UHRF2: variants seen among roughly 807,000 people sequenced by gnomAD.
The protein encoded by UHRF2 is ubiquitin like with PHD and ring finger domains 2.
A neutral mutation model predicts 96.8 loss-of-function variants in UHRF2; 23 were observed. The ratio of observed to expected loss-of-function variants is 0.24; its 90% confidence interval spans 0.17 to 0.34. The LOEUF is 0.34. Among genes scored for constraint, UHRF2 ranks in the 10% least tolerant of loss-of-function variants. UHRF2 has a pLI of 1.00. For missense variants in UHRF2, 685 were observed against 981.5 expected, an observed-to-expected ratio of 0.70 and a Z score of 4.04; for synonymous variants, 385 against 332.6, an observed-to-expected ratio of 1.16 and a Z score of -1.72.
rs775467244 is a variant in UHRF2, at chr9:6,434,141, T to C, written c.612T>C (p.Asp204=). ...CTAATTCAGACTGTGTTGCTGCTGA[T>C]GAAGACGTTATTTACCATATCCAGT... ...STSNSDCVAA[D]EDVIYHIQYD... Residue 204 remains aspartate (D), a synonymous_variant, in exon 3 of 16, where the codon GAT becomes GAC. Coordinates refer to ENST00000276893, the MANE Select transcript of UHRF2 (RefSeq NM_152896.3). The C allele has an allele frequency of 1.9e-6, 3 of 1,614,074 alleles. No homozygotes were observed. Among genetic ancestry groups the C allele is most frequent in the Non-Finnish European group, 2.5e-6 (3 of 1,180,000 alleles).
At chr9:6,449,523 G>A (rs1359431867) in intron 3 of UHRF2, 1 of 152,114 alleles carries the variant, frequency 6.6e-6, no homozygotes, top group Non-Finnish European at 1.5e-5. Context: ...AGTATCCAAC[G>A]GACAAAATGG....
intron 3 of UHRF2, among the ~76,000 whole-genome samples, chr9:6,459,834 G>A (rs1401112850): frequency 1.3e-5 from 2 of 152,232 alleles, no homozygotes; most frequent in Admixed American, 6.5e-5. Flanking sequence ...TTAGCTGGGT[G>A]TGGTGGCACG....
rs1587778828 is a variant in UHRF2 at position 6,430,941 on chromosome 9, A to G, written c.385-2973A>G. On this transcript the variant is annotated intron_variant, in intron 2 of 15. Transcript: ENST00000276893. Reference sequence around the variant, plus strand: ...TTAAAATCTCATGAGTATAATTCAGATGCTCCCACATAGGCAAATTCTGTT... The same window carrying G: ...TTAAAATCTCATGAGTATAATTCAGGTGCTCCCACATAGGCAAATTCTGTT... 3.3e-5 allele frequency among the ~76,000 whole-genome samples: 5 copies of G among 152,188 alleles called. No homozygotes were observed. The South Asian group carries it at 1.0e-3, about 31-fold the overall frequency.
chr9:6,459,045 C>G (rs1416177534), intron 3 of UHRF2, among the ~76,000 whole-genome samples: 1 of 151,888 alleles, frequency 6.6e-6, no homozygotes, highest in Non-Finnish European at 1.5e-5. Context: ...GGGAGGGGAA[C>G]ATAACACAGA....
intron 2 of UHRF2, among the ~76,000 whole-genome samples, chr9:6,428,287 A>G (rs1045203844): frequency 1.3e-5 from 2 of 152,170 alleles, no homozygotes; most frequent in East Asian, 1.9e-4. Flanking sequence ...ACACCATCCA[A>G]GTTATGAAAT....
intron 3 of UHRF2, among the ~76,000 whole-genome samples, chr9:6,455,287 CCT>C (rs941344843): frequency 4.6e-5 from 7 of 152,256 alleles, no homozygotes; most frequent in African/African-American, 1.7e-4. Flanking sequence ...ATCCCTCCCC[CCT>C]CTCTCCACCC....
chr9:6,498,354 A>G (rs1420002160), intron 12 of UHRF2, 196 bp downstream of exon 12: 5 of 498,616 alleles, frequency 1.0e-5, no homozygotes, highest in African/African-American at 1.0e-4. Context: ...CCTGGGACCA[A>G]GGGTTGTGCT....
At position 6,413,459 on chromosome 9, in the gene UHRF2, C is replaced by CA. The variant is rs779165277; in HGVS notation, c.-29dup. 3.3e-6 allele frequency: 5 copies of CA among 1,496,456 alleles called. No homozygotes were observed. Among genetic ancestry groups the CA allele is most frequent in the South Asian group, 1.3e-5 (1 of 79,202 alleles). The allele number at this position is 1,496,456 out of a possible 1,614,324, so 92.7% of individuals were successfully genotyped here. On this transcript the variant is annotated 5_prime_UTR_variant, in exon 1 of 16. Transcript: ENST00000276893. Reference sequence around the variant, plus strand: ...GCGGCGCCCAGAGCTCAGGGGGAGACAAAGGGGACCGGTTCCTCTCTAGGC... The same window carrying CA: ...GCGGCGCCCAGAGCTCAGGGGGAGACAAAAGGGGACCGGTTCCTCTCTAGGC...
At chr9:6,425,871 A>G (rs544136960) in intron 2 of UHRF2, among the ~76,000 whole-genome samples, 5 of 152,340 alleles carry the variant, frequency 3.3e-5, no homozygotes, top group South Asian at 4.1e-4. Flanking sequence ...GAAATAATAC[A>G]TATTTGTACT....
intron 3 of UHRF2, among the ~76,000 whole-genome samples, chr9:6,442,625 C>T (rs762020507): frequency 6.6e-6 from 1 of 150,694 alleles, no homozygotes; most frequent in Non-Finnish European, 1.5e-5. Flanking sequence ...ACCACAGGTG[C>T]ACACCACTGT....
intron 3 of UHRF2, among the ~76,000 whole-genome samples, 158 bp from the exon 4 acceptor site, chr9:6,460,415 C>A (rs1382372367): frequency 1.3e-5 from 2 of 152,166 alleles, no homozygotes; most frequent in Non-Finnish European, 2.9e-5. Context: ...AGGTGAGAAA[C>A]CAACATGAAG....
chr9:6,430,502 T>C (rs4742201), intron 2 of UHRF2, among the ~76,000 whole-genome samples: 109,639 of 152,036 alleles, frequency 0.72, 41,248 homozygotes, highest in South Asian at 0.83. Flanking sequence ...GACTGCCCTT[T>C]TTCCTAGAGC....
At chr9:6,501,690 GATT>G (rs1007896239) in intron 14 of UHRF2, among the ~76,000 whole-genome samples, 6 of 152,236 alleles carry the variant, frequency 3.9e-5, no homozygotes, top group Admixed American at 3.9e-4. Context: ...AGGGGAAAGT[GATT>G]ACACTTTGAG....
At chr9:6,485,874 C>G (rs901163081) in intron 8 of UHRF2, among the ~76,000 whole-genome samples, 5 of 149,412 alleles carry the variant, frequency 3.3e-5, no homozygotes, top group African/African-American at 9.8e-5. Flanking sequence ...ACTGCAATAC[C>G]TTTTTCAGGG....
intron 12 of UHRF2, chr9:6,499,091 A>C (rs1256202801): frequency 6.6e-6 from 1 of 152,260 alleles, no homozygotes; most frequent in Admixed American, 6.5e-5. Flanking sequence ...AAGATTTTTC[A>C]GATGTCCCTG....
At chr9:6,505,295 G>A (rs568357381) in intron 15 of UHRF2, among the ~76,000 whole-genome samples, 20 of 150,820 alleles carry the variant, frequency 1.3e-4, no homozygotes, top group Middle Eastern at 3.4e-3. Context: ...GTGTGTGTGT[G>A]TATATATATA....
chr9:6,480,443 C>T (rs979428828), intron 6 of UHRF2, among the ~76,000 whole-genome samples: 5 of 152,146 alleles, frequency 3.3e-5, no homozygotes, highest in Non-Finnish European at 7.4e-5. Context: ...TGAATCAATC[C>T]CAGAGATGAC....
intron 3 of UHRF2, among the ~76,000 whole-genome samples, chr9:6,435,994 T>C (rs562157455): frequency 6.6e-6 from 1 of 152,228 alleles, no homozygotes; most frequent in South Asian, 2.1e-4. Flanking sequence ...CTATTGTCTT[T>C]ATCCATTTAA....
Position 6,506,196 on chromosome 9 carries a change from G to T in UHRF2, c.*17G>T. ...GGACGATGATCTGCCTGCTTTCACTGTGTTGTTCATGGTGGCTTTTTGGAC... is the reference window on the plus strand; with the variant it reads ...GGACGATGATCTGCCTGCTTTCACTTTGTTGTTCATGGTGGCTTTTTGGAC... On this transcript the variant is annotated 3_prime_UTR_variant, in exon 16 of 16. Coordinates refer to ENST00000276893, the MANE Select transcript of UHRF2 (RefSeq NM_152896.3). 1 of 1,613,240 alleles carries T rather than the reference G, an allele frequency of 6.2e-7. No individual in the cohort carries two copies.
Sources: allele counts gnomAD v4.1 joint callset (sites outside exome capture counted in the v4.1 genomes callset), GRCh38; gene constraint gnomAD v4.1.1; transcripts MANE v1.5; gene names NCBI Gene and HGNC (gene_info 2026-07-23, HGNC 2026-07-21).